Variants in TNFRSF19 observed in about 807,000 individuals in gnomAD.
The protein encoded by TNFRSF19 is TNF receptor superfamily member 19.
Under a neutral mutation model 46.4 loss-of-function variants are expected in TNFRSF19, and 27 were observed. The ratio of observed to expected loss-of-function variants is 0.58; its 90% CI spans 0.43 to 0.80. TNFRSF19 has a LOEUF of 0.80. TNFRSF19 is among the 30% of genes least tolerant of loss of function. TNFRSF19 has a pLI of 0.00. For missense variants in TNFRSF19, 511 were observed against 530.8 expected, an observed-to-expected ratio of 0.96 and a Z score of 0.37; for synonymous variants, 204 against 205.0, an observed-to-expected ratio of 1.00 and a Z score of 0.04.
At chr13:23,603,449 G>A (rs374959626) in intron 3 of TNFRSF19, among the ~76,000 whole-genome samples, 15 of 152,124 alleles carry the variant, frequency 9.9e-5, no homozygotes, top group African/African-American at 3.6e-4. Flanking sequence ...ATATAGCAGA[G>A]AAAATACTTT....
At chr13:23,658,209 A>G (rs904429981) in intron 5 of TNFRSF19, among the ~76,000 whole-genome samples, 1 of 152,172 alleles carries the variant, frequency 6.6e-6, no homozygotes, top group African/African-American at 2.4e-5. Context: ...TACTATCATC[A>G]TCATTACAGT....
Position 23,675,072 on chromosome 13 carries a change from T to TTAATTG in TNFRSF19, c.*1692_*1693insTAATTG. 1 of 152,232 alleles carries TTAATTG rather than the reference T, an allele frequency of 6.6e-6. No homozygotes were observed. Among genetic ancestry groups the TTAATTG allele is most frequent in the Non-Finnish European group, 1.5e-5 (1 of 68,034 alleles). The allele number at this position is 152,232 out of a possible 1,614,324, so 9.4% of individuals were successfully genotyped here. On this transcript the variant is annotated 3_prime_UTR_variant, in exon 10 of 10. Transcript: ENST00000248484. ...CATAATTAATTGACTTTTCCTGTAT[T>TTAATTG]ACTTCTTTTTTTAAGTATAAACCAA...
Position 23,674,090 on chromosome 13 carries a change from G to A in TNFRSF19, c.*710G>A, listed in dbSNP as rs1376958334. 6.6e-6 allele frequency: 1 copy of A among 152,182 alleles called. No individual in the cohort carries two copies. The highest frequency in any genetic ancestry group is 2.4e-5 in the African/African-American group (1 of 41,448). The allele number at this position is 152,182 out of a possible 1,614,324, so 9.4% of individuals were successfully genotyped here. ...ATCTCAGGAGAACACCTGGGCTAGG[G>A]AATGTGGTCGAGAAAGGGCAGCCCA... On this transcript the variant is annotated 3_prime_UTR_variant, in exon 10 of 10. Transcript: ENST00000248484.
chr13:23,590,488 C>G, intron 2 of TNFRSF19, among the ~76,000 whole-genome samples: 1 of 152,154 alleles, frequency 6.6e-6, no homozygotes, highest in East Asian at 1.9e-4. Context: ...GCACCCACCA[C>G]CACTCCCAGC....
chr13:23,590,211 G>A lies in TNFRSF19; in HGVS notation c.28G>A (p.Glu10Lys), dbSNP rs1414323132. ...GGCTTTAAAAGTGCTACTAGAACAA[G>A]AGAAAACGTTTTTCACTCTTTTAGT... MALKVLLEQ[E>K]KTFFTLLVLL... is the part of the protein sequence containing the mutation. Residue 10 changes from glutamate to lysine, a missense_variant, in exon 2 of 10, where the codon GAG (glutamate) becomes AAG (lysine). Physicochemically the swap from Glu to Lys is moderately conservative, Grantham distance 56 (BLOSUM62 1). Around this residue, in one of 3 missense-constraint regions of TNFRSF19, gnomAD observed 121 missense variants for 124.1 expected, o/e 0.98. Coordinates refer to ENST00000248484, the MANE Select transcript of TNFRSF19 (RefSeq NM_148957.4). The A allele has an allele frequency of 6.3e-7, 1 of 1,596,284 alleles. No homozygotes were observed. The highest frequency in any genetic ancestry group is 8.5e-7 in the Non-Finnish European group (1 of 1,171,310).
At chr13:23,638,377 G>T (rs901216117) in intron 5 of TNFRSF19, among the ~76,000 whole-genome samples, 2 of 152,220 alleles carry the variant, frequency 1.3e-5, no homozygotes, top group African/African-American at 4.8e-5. Flanking sequence ...CTGAAGCAGT[G>T]AGTTGCTCCG....
At chr13:23,661,921 G>T (rs1884391942) in intron 7 of TNFRSF19, among the ~76,000 whole-genome samples, 1 of 152,054 alleles carries the variant, frequency 6.6e-6, no homozygotes, top group Non-Finnish European at 1.5e-5. Flanking sequence ...GTTCCTTATA[G>T]ATGCTGTATA....
At chr13:23,666,491 C>A (rs1295281198) in intron 7 of TNFRSF19, among the ~76,000 whole-genome samples, 1 of 152,158 alleles carries the variant, frequency 6.6e-6, no homozygotes, top group Non-Finnish European at 1.5e-5. Flanking sequence ...TTTGGTGTCA[C>A]TATTTATTCT....
intron 3 of TNFRSF19, among the ~76,000 whole-genome samples, chr13:23,608,131 G>A (rs1880640358): frequency 6.6e-6 from 1 of 152,072 alleles, no homozygotes; most frequent in African/African-American, 2.4e-5. Flanking sequence ...CAATTATTAG[G>A]TATTAAGAAG....
chr13:23,643,901 T>C (rs964876767), intron 5 of TNFRSF19, among the ~76,000 whole-genome samples: 1 of 152,220 alleles, frequency 6.6e-6, no homozygotes, highest in Non-Finnish European at 1.5e-5. Flanking sequence ...CCCTGGCTCA[T>C]AGCCCTTAGA....
intron 7 of TNFRSF19, among the ~76,000 whole-genome samples, chr13:23,663,719 CT>C (rs1203550406): frequency 6.6e-6 from 1 of 152,098 alleles, no homozygotes; most frequent in Non-Finnish European, 1.5e-5. Context: ...GAATCGATTT[CT>C]TCCTGGTTCA....
At chr13:23,656,664 T>A (rs1253728279) in intron 5 of TNFRSF19, among the ~76,000 whole-genome samples, 2 of 152,132 alleles carry the variant, frequency 1.3e-5, no homozygotes. Context: ...TAGGGCTGGG[T>A]TATTTGAGCA....
intron 4 of TNFRSF19, among the ~76,000 whole-genome samples, chr13:23,621,345 T>C (rs2062821291): frequency 6.6e-6 from 1 of 152,174 alleles, no homozygotes; most frequent in African/African-American, 2.4e-5. Flanking sequence ...TAAGGGGCTA[T>C]TGCTGTGGAT....
intron 5 of TNFRSF19, 101 bp downstream of exon 5, chr13:23,626,893 T>C: frequency 1.8e-6 from 2 of 1,105,308 alleles, no homozygotes; most frequent in Non-Finnish European, 2.6e-6. Context: ...GCCAAATCTG[T>C]CTCTCCTGTG....
At chr13:23,655,344 G>A (rs960346482) in intron 5 of TNFRSF19, among the ~76,000 whole-genome samples, 5 of 152,206 alleles carry the variant, frequency 3.3e-5, no homozygotes, top group African/African-American at 9.6e-5. Context: ...TTGCTCTGAA[G>A]TAAATTGCTA....
intron 1 of TNFRSF19, among the ~76,000 whole-genome samples, chr13:23,572,431 A>T (rs1877690865): frequency 6.6e-6 from 1 of 152,178 alleles, no homozygotes; most frequent in Non-Finnish European, 1.5e-5. Flanking sequence ...TAAAACAATG[A>T]CTGGAGATGG....
chr13:23,665,798 T>C (rs935955607), intron 7 of TNFRSF19, among the ~76,000 whole-genome samples: 2 of 152,234 alleles, frequency 1.3e-5, no homozygotes, highest in African/African-American at 2.4e-5. Context: ...CATTATATAA[T>C]CTACAGAGCG....
At position 23,590,235 on chromosome 13, in the gene TNFRSF19, G is replaced by GTATT; in HGVS notation, c.53_56dup (p.Leu19PhefsTer9). ...AGAGAAAACGTTTTTCACTCTTTTA[G>GTATT]TATTACTAGGCTATTTGGTAAGTAA... On this transcript the variant is annotated frameshift_variant, in exon 2 of 10. Coordinates refer to ENST00000248484, the MANE Select transcript of TNFRSF19 (RefSeq NM_148957.4). LOFTEE classifies it high-confidence loss of function. The GTATT allele has an allele frequency of 6.3e-7, 1 of 1,587,692 alleles. No individual in the cohort carries two copies. The highest frequency in any genetic ancestry group is 8.6e-7 in the Non-Finnish European group (1 of 1,166,822).
chr13:23,603,356 G>A (rs1353622179), intron 3 of TNFRSF19, among the ~76,000 whole-genome samples: 3 of 151,980 alleles, frequency 2.0e-5, no homozygotes, highest in Non-Finnish European at 2.9e-5. Context: ...AAAACAGAGA[G>A]CACCAAGTTA....
Sources: allele counts gnomAD v4.1 joint callset (sites outside exome capture counted in the v4.1 genomes callset), GRCh38; gene constraint gnomAD v4.1.1; regional missense constraint gnomAD v4.1.1; transcripts MANE v1.5; gene names NCBI Gene and HGNC (gene_info 2026-07-23, HGNC 2026-07-21).